LRRC37A2: variants seen among roughly 807,000 people sequenced by gnomAD.
LRRC37A2 encodes the protein leucine rich repeat containing 37 member A2, also known as leucine-rich repeat-containing protein 37A2.
Under a neutral mutation model 68.8 loss-of-function variants are expected in LRRC37A2, and 9 were observed. The observed-to-expected ratio is 0.13, with a 90% CI of 0.08 to 0.23. The LOEUF (loss-of-function observed/expected upper bound fraction) is 0.23, where lower values mean the gene tolerates loss of function less well. LRRC37A2 is among the 10% of genes least tolerant of loss of function. The pLI is 1.00. For synonymous variants in LRRC37A2, 63 were observed against 367.6 expected (o/e 0.17, Z 9.48); for missense variants, 168 against 950.4 (o/e 0.18, Z 10.82).
At chr17:46,791,194 C>G in the LRRC37A2 span, among the ~76,000 whole-genome samples, 1 of 152,090 alleles carries the variant, frequency 6.6e-6, no homozygotes, top group South Asian at 2.1e-4. Flanking sequence ...TTCCCCCCAA[C>G]CCAGGACTTC....
chr17:46,833,699 G>A, the LRRC37A2 span, among the ~76,000 whole-genome samples: 2 of 152,174 alleles, frequency 1.3e-5, no homozygotes, highest in African/African-American at 4.8e-5. Flanking sequence ...CAGTGCATGT[G>A]TGCACTGAGC....
chr17:47,022,185 T>TTTTTTTTTTTTTTTTTTTTTG, the LRRC37A2 span, among the ~76,000 whole-genome samples: 1 of 45,208 alleles, frequency 2.2e-5, no homozygotes, highest in African/African-American at 5.7e-5. Flanking sequence ...TTTTTTTTTT[T>TTTTTTTTTTTTTTTTTTTTTG]CCAGAGACAG....
chr17:46,783,332 G>A, the LRRC37A2 span, among the ~76,000 whole-genome samples: 10 of 152,224 alleles, frequency 6.6e-5, no homozygotes, highest in Non-Finnish European at 1.5e-4. Context: ...GGAAGTGCCT[G>A]TCCTTCAGAG....
At chr17:46,533,604 C>T (rs866629060) in intron 6 of LRRC37A2, among the ~76,000 whole-genome samples, 32 of 105,244 alleles carry the variant, frequency 3.0e-4, no homozygotes, top group South Asian at 3.0e-4. Context: ...CAGGTTCAAG[C>T]GATTCTAGTG....
the LRRC37A2 span, chr17:46,726,745 G>T: frequency 1.2e-6 from 1 of 821,402 alleles, no homozygotes; most frequent in South Asian, 1.4e-5. Context: ...GTCTTACAAG[G>T]AAATATAATG....
the LRRC37A2 span, chr17:47,028,389 A>G: frequency 7.7e-7 from 1 of 1,291,014 alleles, no homozygotes; most frequent in South Asian, 1.2e-5. Context: ...GAATACATGT[A>G]AACAACTATT....
the LRRC37A2 span, among the ~76,000 whole-genome samples, chr17:47,044,877 T>A: frequency 3.5e-4 from 50 of 143,114 alleles, 1 homozygote; most frequent in Non-Finnish European, 6.0e-4. Context: ...CCAGGCGTGG[T>A]GGCACACACC....
chr17:46,923,315 A>G, the LRRC37A2 span: 2 of 1,542,818 alleles, frequency 1.3e-6, no homozygotes, highest in Non-Finnish European at 1.7e-6. Context: ...CAGCCAGGGT[A>G]GAGGCCGAGT....
chr17:46,762,231 C>T, the LRRC37A2 span, among the ~76,000 whole-genome samples: 2 of 152,212 alleles, frequency 1.3e-5, no homozygotes, highest in Non-Finnish European at 2.9e-5. Flanking sequence ...ATTGAAAATA[C>T]TTGAGTCTGT....
the LRRC37A2 span, among the ~76,000 whole-genome samples, chr17:46,934,191 G>A: frequency 6.6e-6 from 1 of 152,236 alleles, no homozygotes; most frequent in African/African-American, 2.4e-5. Context: ...TGTGATCACT[G>A]GACACACTTC....
At chr17:46,734,647 A>C in the LRRC37A2 span, among the ~76,000 whole-genome samples, 1 of 152,232 alleles carries the variant, frequency 6.6e-6, no homozygotes, top group Admixed American at 6.5e-5. Flanking sequence ...ATAGTGATCA[A>C]CTAAGATAAT....
At chr17:46,953,299 T>C in the LRRC37A2 span, among the ~76,000 whole-genome samples, 1 of 152,122 alleles carries the variant, frequency 6.6e-6, no homozygotes, top group Admixed American at 6.5e-5. Flanking sequence ...CATGCAGTGT[T>C]TGGTTTTTTG....
chr17:46,928,035 G>A, the LRRC37A2 span, among the ~76,000 whole-genome samples: 6 of 151,942 alleles, frequency 3.9e-5, no homozygotes, highest in South Asian at 2.1e-4. Flanking sequence ...TTCAGGTGTC[G>A]GCTACCTCAG....
the LRRC37A2 span, among the ~76,000 whole-genome samples, chr17:46,865,980 G>C: frequency 9.1e-4 from 139 of 152,254 alleles, no homozygotes; most frequent in African/African-American, 3.2e-3. Context: ...ATGAATGAGC[G>C]AGTAAGTGAA....
At chr17:46,495,672 A>G in the LRRC37A2 span, among the ~76,000 whole-genome samples, 1 of 150,700 alleles carries the variant, frequency 6.6e-6, no homozygotes, top group Non-Finnish European at 1.5e-5. Flanking sequence ...GGCATGAGCC[A>G]CTGCGCCCAG....
the LRRC37A2 span, among the ~76,000 whole-genome samples, chr17:46,865,350 G>A: frequency 6.6e-6 from 1 of 152,184 alleles, no homozygotes; most frequent in Non-Finnish European, 1.5e-5. Context: ...CAGGAAGTGG[G>A]GCTGTGCTTG....
downstream of LRRC37A2, among the ~76,000 whole-genome samples, chr17:46,558,234 A>T (rs1032113461): frequency 4.3e-4 from 34 of 78,592 alleles, no homozygotes; most frequent in African/African-American, 5.6e-4. Context: ...TAATTTTTGT[A>T]TTTTTAGTAG....
the LRRC37A2 span, among the ~76,000 whole-genome samples, chr17:46,716,330 C>G: frequency 1.3e-5 from 2 of 150,696 alleles, no homozygotes; most frequent in African/African-American, 4.9e-5. Flanking sequence ...GATCTCAGCT[C>G]ACTGCAAGCT....
the LRRC37A2 span, among the ~76,000 whole-genome samples, chr17:46,835,446 C>T: frequency 5.9e-5 from 9 of 152,090 alleles, no homozygotes; most frequent in Admixed American, 4.6e-4. Flanking sequence ...CTCCTGACCT[C>T]GTGATCCACC....
Sources: gnomAD v4.1 joint callset for allele counts (sites outside exome capture counted in the v4.1 genomes callset) on GRCh38, gnomAD v4.1.1 for gene constraint, MANE v1.5 for transcripts, NCBI Gene and HGNC (gene_info 2026-07-23, HGNC 2026-07-21) for gene names.